The following TENM2 variants were observed in gnomAD, a reference collection of about 807,000 sequenced individuals.
TENM2 encodes teneurin transmembrane protein 2.
TENM2 carries 52 observed loss-of-function variants against 245.2 expected under a neutral mutation model. The observed-to-expected ratio is 0.21, with a 90% CI of 0.17 to 0.27. The LOEUF (loss-of-function observed/expected upper bound fraction) is 0.27, where lower values mean the gene tolerates loss of function less well. Ranked by LOEUF, TENM2 falls within the 10% of genes least tolerant of loss-of-function variation. The pLI, the probability that TENM2 is intolerant of heterozygous loss-of-function variation, is 1.00. For missense variants in TENM2, 3,046 were observed against 3,666.8 expected, an observed-to-expected ratio of 0.83 and a Z score of 4.37; for synonymous variants, 1,363 against 1,438.9, an observed-to-expected ratio of 0.95 and a Z score of 1.19.
chr5:168,021,448 G>C (rs1410790184), intron 5 of TENM2, among the ~76,000 whole-genome samples: 1 of 152,196 alleles, frequency 6.6e-6, no homozygotes, highest in Non-Finnish European at 1.5e-5. Context: ...AGCTCCCCGA[G>C]GTTCCTCAAG....
chr5:167,970,601 G>T (rs1044679666), intron 4 of TENM2, among the ~76,000 whole-genome samples: 1 of 152,164 alleles, frequency 6.6e-6, no homozygotes, highest in Admixed American at 6.5e-5. Context: ...CATGCTTCAA[G>T]CTCCTAATAT....
exon 13 of TENM2, chr5:168,162,643 A>G: frequency 6.2e-7 from 1 of 1,613,976 alleles, no homozygotes; most frequent in Non-Finnish European, 8.5e-7. Context: ...CGGTAACGGG[A>G]GATGCACACT....
intron 2 of TENM2, among the ~76,000 whole-genome samples, chr5:167,844,981 G>A (rs1243443734): frequency 4.0e-5 from 6 of 151,774 alleles, no homozygotes; most frequent in Non-Finnish European, 2.9e-5. Flanking sequence ...ATTAGTGAAT[G>A]TCTGTTATCA....
chr5:167,301,094 C>G (rs1054200591), intron 1 of TENM2, among the ~76,000 whole-genome samples: 1 of 152,054 alleles, frequency 6.6e-6, no homozygotes, highest in African/African-American at 2.4e-5. Context: ...GAGAGTTACC[C>G]GAAGCTCAGC....
intron 2 of TENM2, among the ~76,000 whole-genome samples, chr5:167,739,753 A>G (rs1761046393): frequency 6.6e-6 from 1 of 152,168 alleles, no homozygotes; most frequent in Admixed American, 6.5e-5. Context: ...AATCCCAACT[A>G]AGACCACTTT....
chr5:167,712,476 T>C (rs1561697099), intron 2 of TENM2, among the ~76,000 whole-genome samples: 2 of 152,222 alleles, frequency 1.3e-5, no homozygotes, highest in Non-Finnish European at 2.9e-5. Context: ...GTCTAGTATG[T>C]AGCTGTCTAA....
intron 2 of TENM2, among the ~76,000 whole-genome samples, chr5:167,859,351 C>G (rs1191957011): frequency 3.5e-5 from 5 of 142,982 alleles, no homozygotes; most frequent in South Asian, 2.2e-4. Flanking sequence ...CGTCTCCGCC[C>G]GGCAGCCACC....
chr5:168,068,609 G>A (rs1437140659), intron 7 of TENM2, among the ~76,000 whole-genome samples: 2 of 152,028 alleles, frequency 1.3e-5, no homozygotes, highest in African/African-American at 2.4e-5. Context: ...AAACCCATGA[G>A]AGTGGTCACC....
At chr5:167,792,826 T>C (rs10068821) in intron 2 of TENM2, among the ~76,000 whole-genome samples, 22,013 of 152,044 alleles carry the variant, frequency 0.14, 2,217 homozygotes, top group African/African-American at 0.28. Context: ...GCATGTGCAA[T>C]GTTATGAAAA....
At chr5:167,108,221 G>A in the TENM2 span, among the ~76,000 whole-genome samples, 1 of 152,154 alleles carries the variant, frequency 6.6e-6, no homozygotes, top group South Asian at 2.1e-4. Flanking sequence ...TGCCTCCCAG[G>A]TTCAAGTGAT....
the TENM2 span, among the ~76,000 whole-genome samples, chr5:167,208,794 T>C: frequency 1.8e-4 from 27 of 152,226 alleles, no homozygotes; most frequent in African/African-American, 5.3e-4. Context: ...CCTATATGTA[T>C]TATTCCCAAT....
the TENM2 span, among the ~76,000 whole-genome samples, chr5:167,144,679 G>A: frequency 2.0e-5 from 3 of 151,996 alleles, no homozygotes; most frequent in Non-Finnish European, 4.4e-5. Context: ...TTGTTAGCCC[G>A]TGCCCATTCA....
chr5:167,444,760 C>G (rs777051990), intron 2 of TENM2, among the ~76,000 whole-genome samples: 1 of 152,122 alleles, frequency 6.6e-6, no homozygotes, highest in Non-Finnish European at 1.5e-5. Flanking sequence ...GTACCTGGCA[C>G]TGGGTAAAAG....
In TENM2 at chr5:167,605,620, C is replaced by T. The variant is rs79726005; in HGVS notation, c.502+230147C>T. ...TTTTCATCAGGTAGAGTAGATATCA[C>T]ATGGTGGCCAGTTTCGACATCAAAT... On this transcript the variant is annotated intron_variant, in intron 2 of 28. Coordinates refer to ENST00000518659, the Ensembl canonical transcript of TENM2. Among the ~76,000 whole-genome samples the T allele has an allele frequency of 1.2e-4, 18 of 152,290 alleles. No individual in the cohort carries two copies. In the East Asian group the frequency reaches 3.5e-3, roughly 29 times the overall value.
At chr5:168,251,357 G>A (rs1161014136) in intron 27 of TENM2, among the ~76,000 whole-genome samples, 3 of 152,206 alleles carry the variant, frequency 2.0e-5, no homozygotes, top group Non-Finnish European at 4.4e-5. Flanking sequence ...TCTCATTCCG[G>A]TGTTTCATGG....
chr5:167,865,123 A>G (rs1375192482), intron 2 of TENM2, among the ~76,000 whole-genome samples: 2 of 152,224 alleles, frequency 1.3e-5, no homozygotes, highest in African/African-American at 4.8e-5. Flanking sequence ...TACTCAGCAC[A>G]GACAGACAAC....
At chr5:167,889,243 C>A (rs1774540279) in intron 3 of TENM2, among the ~76,000 whole-genome samples, 1 of 151,778 alleles carries the variant, frequency 6.6e-6, no homozygotes, top group Non-Finnish European at 1.5e-5. Context: ...TTAGAATTTA[C>A]AAAGATGCCT....
intron 23 of TENM2, among the ~76,000 whole-genome samples, chr5:168,225,707 G>A (rs980343108): frequency 6.6e-6 from 1 of 150,942 alleles, no homozygotes; most frequent in Non-Finnish European, 1.5e-5. Context: ...GTTGCAGTGA[G>A]CGGAGATTGT....
chr5:167,955,360 G>T (rs144692433), intron 4 of TENM2, among the ~76,000 whole-genome samples: 2 of 151,972 alleles, frequency 1.3e-5, no homozygotes, highest in East Asian at 3.9e-4. Context: ...GTGGATTCTA[G>T]ATATTAGCCC....
Sources: gnomAD v4.1 joint callset for allele counts (sites outside exome capture counted in the v4.1 genomes callset) on GRCh38, gnomAD v4.1.1 for gene constraint, MANE v1.5 for transcripts, NCBI Gene and HGNC (gene_info 2026-07-23, HGNC 2026-07-21) for gene names.